LRBA: variants seen among roughly 807,000 people sequenced by gnomAD.
LRBA encodes LPS responsive beige-like anchor protein, also known as lipopolysaccharide-responsive and beige-like anchor protein.
Under a neutral mutation model 330.0 loss-of-function variants are expected in LRBA, and 176 were observed. That is an observed-to-expected ratio of 0.53 (90% CI 0.47 to 0.60). The LOEUF is 0.60. Ranked by LOEUF, LRBA falls within the 20% of genes least tolerant of loss-of-function variation. The pLI is 0.00. For synonymous variants in LRBA, 1,230 were observed against 1,193.0 expected (o/e 1.03, Z -0.64); for missense variants, 3,259 against 3,444.8 (o/e 0.95, Z 1.35).
intron 46 of LRBA, among the ~76,000 whole-genome samples, chr4:150,425,441 T>C (rs982261695): frequency 6.6e-6 from 1 of 152,168 alleles, no homozygotes; most frequent in African/African-American, 2.4e-5. Flanking sequence ...CAACATTTAG[T>C]GTATCATCTC....
At chr4:150,490,596 G>A (rs1214435416) in intron 41 of LRBA, among the ~76,000 whole-genome samples, 1 of 151,806 alleles carries the variant, frequency 6.6e-6, no homozygotes, top group Non-Finnish European at 1.5e-5. Flanking sequence ...CCACCTTCCA[G>A]AAGGAATTAA....
At chr4:150,727,335 A>G (rs1028904843) in intron 36 of LRBA, among the ~76,000 whole-genome samples, 3 of 152,042 alleles carry the variant, frequency 2.0e-5, no homozygotes, top group Non-Finnish European at 4.4e-5. Context: ...CAGCCTCCCA[A>G]AGTGCTGGGA....
chr4:150,595,416 T>G (rs1328503226), intron 38 of LRBA, among the ~76,000 whole-genome samples: 2 of 151,948 alleles, frequency 1.3e-5, no homozygotes, highest in Non-Finnish European at 2.9e-5. Flanking sequence ...ACATGATCTG[T>G]CATCCCTAGA....
intron 38 of LRBA, among the ~76,000 whole-genome samples, chr4:150,591,568 A>T (rs1242491100): frequency 6.6e-6 from 1 of 152,098 alleles, no homozygotes; most frequent in Non-Finnish European, 1.5e-5. Flanking sequence ...AAGCTCAAAC[A>T]CTACCTCCTC....
Position 150,761,718 on chromosome 4 carries a change from T to C in LRBA, c.5645+65A>G, listed in dbSNP as rs566209566. 46 of 973,122 alleles carry C rather than the reference T, an allele frequency of 4.7e-5. No individual in the cohort carries two copies. The African/African-American group carries it at 6.0e-4, about 13-fold the overall frequency. The allele number at this position is 973,122 out of a possible 1,614,324, so 60.3% of individuals were successfully genotyped here. On this transcript the variant is annotated intron_variant, in intron 35 of 56. Transcript: ENST00000651943. The stretch of plus-strand genomic sequence containing the variant: ...TAAATACAGAACCCAAAAATATCAA[T>C]GCCTATAGGAAAAACCCAAGATTTT...
At chr4:150,810,588 T>C (rs1743578336) in intron 31 of LRBA, among the ~76,000 whole-genome samples, 2 of 152,142 alleles carry the variant, frequency 1.3e-5, no homozygotes, top group South Asian at 4.1e-4. Flanking sequence ...CACTTCATCA[T>C]GCTGACAATT....
chr4:150,306,804 A>G (rs1484335491), intron 52 of LRBA, among the ~76,000 whole-genome samples: 1 of 152,212 alleles, frequency 6.6e-6, no homozygotes, highest in East Asian at 1.9e-4. Context: ...CACCTAGATG[A>G]GACAACATGC....
intron 41 of LRBA, among the ~76,000 whole-genome samples, chr4:150,488,253 T>G (rs1022176094): frequency 6.6e-6 from 1 of 151,732 alleles, no homozygotes; most frequent in African/African-American, 2.4e-5. Flanking sequence ...AAATTTAAGT[T>G]TATGTAGTTA....
At chr4:150,757,514 G>T (rs1734473264) in intron 35 of LRBA, among the ~76,000 whole-genome samples, 1 of 152,118 alleles carries the variant, frequency 6.6e-6, no homozygotes, top group South Asian at 2.1e-4. Context: ...TGAGGTCAAG[G>T]CAGGTCAGAC....
At chr4:150,543,115 T>G (rs1203362298) in intron 40 of LRBA, among the ~76,000 whole-genome samples, 1 of 152,208 alleles carries the variant, frequency 6.6e-6, no homozygotes, top group Admixed American at 6.5e-5. Flanking sequence ...TACATGTAAT[T>G]TCATTCAAAC....
intron 47 of LRBA, among the ~76,000 whole-genome samples, chr4:150,374,916 G>C (rs192686681): frequency 6.6e-6 from 1 of 152,100 alleles, no homozygotes; most frequent in African/African-American, 2.4e-5. Context: ...CTCAGTGTAC[G>C]GTCAGGGTCC....
chr4:150,847,012 C>A (rs1578981077), intron 26 of LRBA, among the ~76,000 whole-genome samples: 3 of 152,106 alleles, frequency 2.0e-5, no homozygotes, highest in South Asian at 4.2e-4. Flanking sequence ...AGTGAAAAGC[C>A]TTCGAAAATG....
At chr4:150,825,968 A>C (rs963983967) in intron 30 of LRBA, among the ~76,000 whole-genome samples, 7 of 152,126 alleles carry the variant, frequency 4.6e-5, no homozygotes, top group African/African-American at 1.7e-4. Context: ...ACCAGGAGGC[A>C]AAAAAACAAA....
chr4:151,011,666 A>G (rs1440983735), intron 2 of LRBA, among the ~76,000 whole-genome samples: 1 of 151,910 alleles, frequency 6.6e-6, no homozygotes, highest in Non-Finnish European at 1.5e-5. Context: ...TACTAACAAC[A>G]TTGAGATGGA....
intron 31 of LRBA, among the ~76,000 whole-genome samples, chr4:150,812,847 T>A (rs1334705149): frequency 6.6e-6 from 1 of 152,212 alleles, no homozygotes; most frequent in African/African-American, 2.4e-5. Context: ...TTTATTCATT[T>A]ATGCTTTGCA....
At chr4:150,359,010 C>T (rs1257312404) in intron 47 of LRBA, among the ~76,000 whole-genome samples, 3 of 152,004 alleles carry the variant, frequency 2.0e-5, no homozygotes, top group Non-Finnish European at 4.4e-5. Flanking sequence ...AAATCCTTGG[C>T]AAAGTAGAAC....
In LRBA at chr4:150,808,380, G is replaced by T; in HGVS notation, c.5324C>A (p.Ala1775Glu). 1 of 1,608,988 alleles carries T rather than the reference G, an allele frequency of 6.2e-7. No homozygotes were observed. Among genetic ancestry groups the T allele is most frequent in the Non-Finnish European group, 8.5e-7 (1 of 1,175,942 alleles). Reference sequence around the variant, plus strand: ...AACTGTTGGAACTGAGGGCAATTTTGCATTAGATGATCTACTGCCTATAAA... The same window carrying T: ...AACTGTTGGAACTGAGGGCAATTTTTCATTAGATGATCTACTGCCTATAAA... ...GESPGSRSSN[A>E]KLPSVPTVDS... is the part of the protein sequence containing the mutation. Residue 1775 changes from alanine (A) to glutamate (E), a missense_variant, in exon 32 of 57, where the codon GCA becomes GAA. Transcript: ENST00000651943.
chr4:150,494,898 T>A (rs1356114849), intron 40 of LRBA, among the ~76,000 whole-genome samples: 1 of 150,474 alleles, frequency 6.6e-6, no homozygotes, highest in Admixed American at 6.6e-5. Context: ...TACTTGGGAG[T>A]CTGACGCAGG....
chr4:150,505,628 G>A (rs1253456908), intron 40 of LRBA, among the ~76,000 whole-genome samples: 1 of 152,038 alleles, frequency 6.6e-6, no homozygotes, highest in Non-Finnish European at 1.5e-5. Context: ...AGAGAAAGCA[G>A]GAAAGATCTA....
Sources: allele counts gnomAD v4.1 joint callset (sites outside exome capture counted in the v4.1 genomes callset), GRCh38; gene constraint gnomAD v4.1.1; transcripts MANE v1.5; gene names NCBI Gene and HGNC (gene_info 2026-07-23, HGNC 2026-07-21).